The following GTF2A1 variants were observed in gnomAD, a reference collection of about 807,000 sequenced individuals.
The protein encoded by GTF2A1 is transcription initiation factor IIA subunit 1.
GTF2A1 carries 12 observed loss-of-function variants against 54.1 expected under a neutral mutation model. That is an observed-to-expected ratio of 0.22 (90% CI 0.14 to 0.36). GTF2A1 has a LOEUF of 0.36. Ranked by LOEUF, GTF2A1 falls within the 10% of genes least tolerant of loss-of-function variation. The probability of loss-of-function intolerance (pLI) is 1.00; values close to 1 mark genes in which losing one functional copy is unlikely to be tolerated. For synonymous variants in GTF2A1, 145 were observed against 152.0 expected, an observed-to-expected ratio of 0.95 and a Z score of 0.34; for missense variants, 335 against 442.2, an observed-to-expected ratio of 0.76 and a Z score of 2.17.
In GTF2A1 at chr14:81,220,555, A is replaced by C. The variant is rs575294057; in HGVS notation, c.-37T>G. ...ACACAAACAAGAGGGGGCAACCCCA[A>C]GAAAACAAGATAAAAACAAAACCAA... is the stretch of plus-strand genomic sequence containing the variant. On this transcript the variant is annotated 5_prime_UTR_variant, in exon 1 of 9. Coordinates refer to ENST00000553612, the MANE Select transcript of GTF2A1 (RefSeq NM_015859.4). 2 of 1,528,384 alleles carry C rather than the reference A, an allele frequency of 1.3e-6. No individual in the cohort carries two copies. The highest frequency in any genetic ancestry group is 2.8e-5 in the African/African-American group (2 of 71,722). The allele number at this position is 1,528,384 out of a possible 1,614,324, so 94.7% of individuals were successfully genotyped here. A position where few individuals can be genotyped will look rare whatever the true frequency, so the allele number is the denominator to read the frequency against.
chr14:81,218,762 A>G (rs981692306), intron 1 of GTF2A1, among the ~76,000 whole-genome samples: 3 of 151,168 alleles, frequency 2.0e-5, no homozygotes, highest in Admixed American at 6.6e-5. Flanking sequence ...CCGGATACCC[A>G]TGTTAATATC....
intron 2 of GTF2A1, among the ~76,000 whole-genome samples, chr14:81,215,274 T>G (rs1893462528): frequency 6.6e-6 from 1 of 152,242 alleles, no homozygotes; most frequent in Non-Finnish European, 1.5e-5. Flanking sequence ...CTGCTGCTTA[T>G]TTACAGTTAT....
intron 1 of GTF2A1, among the ~76,000 whole-genome samples, chr14:81,218,701 A>G (rs1250676386): frequency 1.3e-5 from 2 of 152,006 alleles, no homozygotes; most frequent in Non-Finnish European, 2.9e-5. Flanking sequence ...TCCTTCAAAA[A>G]TGTTAATTCC....
At chr14:81,183,631 C>T (rs183397737) in intron 8 of GTF2A1, among the ~76,000 whole-genome samples, 42 of 152,200 alleles carry the variant, frequency 2.8e-4, no homozygotes, top group Non-Finnish European at 2.4e-4. Context: ...CAGGAGAAAG[C>T]CCTCTTAAAT....
chr14:81,176,138 CATTT>C lies in GTF2A1; in HGVS notation c.*4081_*4084del, dbSNP rs1200253363. 1.3e-5 allele frequency: 2 copies of C among 151,996 alleles called. No homozygotes were observed. Among genetic ancestry groups the C allele is most frequent in the African/African-American group, 4.8e-5 (2 of 41,404 alleles). The allele number at this position is 151,996 out of a possible 1,614,324, so 9.4% of individuals were successfully genotyped here. A position where few individuals can be genotyped will look rare whatever the true frequency, so the allele number is the denominator to read the frequency against. ...ATATACTAGTAAGCAAAGCAAGCAA[CATTT>C]TTTTTTAAATAACATCTTTAATTAA... On this transcript the variant is annotated 3_prime_UTR_variant, in exon 9 of 9. Transcript: ENST00000553612.
intron 2 of GTF2A1, chr14:81,209,903 A>C (rs1893322705): frequency 7.8e-7 from 1 of 1,278,544 alleles, no homozygotes; most frequent in Non-Finnish European, 1.0e-6. Flanking sequence ...CAAAGTATGA[A>C]CATCTTCTGG....
intron 2 of GTF2A1, among the ~76,000 whole-genome samples, chr14:81,214,124 T>C (rs745691494): frequency 5.9e-5 from 9 of 152,210 alleles, no homozygotes; most frequent in Admixed American, 2.0e-4. Context: ...TAGATACCTA[T>C]TAATAAATAC....
intron 2 of GTF2A1, among the ~76,000 whole-genome samples, chr14:81,214,368 G>A (rs775549714): frequency 2.6e-5 from 4 of 151,958 alleles, no homozygotes; most frequent in African/African-American, 4.8e-5. Flanking sequence ...AGACCCGGCC[G>A]GGAGCGGTGG....
At chr14:81,197,754 GT>G (rs1011296769) in intron 4 of GTF2A1, among the ~76,000 whole-genome samples, 3 of 151,126 alleles carry the variant, frequency 2.0e-5, no homozygotes, top group African/African-American at 7.3e-5. Flanking sequence ...AGGTACTGCA[GT>G]TTTTTTTTCC....
In GTF2A1 at chr14:81,175,482, A is replaced by G. The variant is rs1329915959; in HGVS notation, c.*4741T>C. 6.6e-6 allele frequency: 1 copy of G among 152,230 alleles called. No homozygotes were observed. Among genetic ancestry groups the G allele is most frequent in the African/African-American group, 2.4e-5 (1 of 41,468 alleles). The allele number at this position is 152,230 out of a possible 1,614,324, so 9.4% of individuals were successfully genotyped here. On this transcript the variant is annotated 3_prime_UTR_variant, in exon 9 of 9. Transcript: ENST00000553612. Reference sequence around the variant, plus strand: ...TGGCAATAAATAAGATATCTTTATTATGATTATGTTAATAGTTAAAATTTG... The same window carrying G: ...TGGCAATAAATAAGATATCTTTATTGTGATTATGTTAATAGTTAAAATTTG...
rs751347743 is a variant in GTF2A1 at position 81,180,333 on chromosome 14, A to G, written c.1024-3T>C. ...CATTTGTTTTTACTTCTGTGTATCTAAACAAAAACAACATTTTAAAAATTG... is the reference window on the plus strand; with the variant it reads ...CATTTGTTTTTACTTCTGTGTATCTGAACAAAAACAACATTTTAAAAATTG... On this transcript the variant is annotated splice_region_variant and splice_polypyrimidine_tract_variant and intron_variant, in intron 8 of 8. Transcript: ENST00000553612. The G allele has an allele frequency of 3.2e-5, 38 of 1,178,644 alleles. No homozygotes were observed. The highest frequency in any genetic ancestry group is 6.5e-5 in the South Asian group (5 of 76,568). 73.0% of individuals were successfully genotyped at this position (1,178,644 alleles called of 1,614,324 possible). A position where few individuals can be genotyped will look rare whatever the true frequency, so the allele number is the denominator to read the frequency against.
At chr14:81,193,966 GAC>G (rs1892932844) in intron 6 of GTF2A1, among the ~76,000 whole-genome samples, 1 of 152,154 alleles carries the variant, frequency 6.6e-6, no homozygotes, top group African/African-American at 2.4e-5. Flanking sequence ...GTACAAATAT[GAC>G]ACAGTGTTAT....
rs557083528 is a variant in GTF2A1 at position 81,220,540 on chromosome 14, G to C, written c.-22C>G. ...CCATTTCCACACACAACACAAACAAGAGGGGGCAACCCCAAGAAAACAAGA... is the reference window on the plus strand; with the variant it reads ...CCATTTCCACACACAACACAAACAACAGGGGGCAACCCCAAGAAAACAAGA... On this transcript the variant is annotated 5_prime_UTR_variant, in exon 1 of 9. Coordinates refer to ENST00000553612, the MANE Select transcript of GTF2A1 (RefSeq NM_015859.4). 3 of 1,553,766 alleles carry C rather than the reference G, an allele frequency of 1.9e-6. No homozygotes were observed. The highest frequency in any genetic ancestry group is 4.8e-5 in the East Asian group (2 of 41,898).
chr14:81,219,207 G>A (rs545772756), intron 1 of GTF2A1, among the ~76,000 whole-genome samples: 4 of 152,320 alleles, frequency 2.6e-5, no homozygotes, highest in Admixed American at 1.3e-4. Context: ...CCTAGCTGCT[G>A]CTGGGAACAA....
rs906421793 is a variant in GTF2A1 at position 81,196,769 on chromosome 14, T to C, written c.479-528A>G. Among the ~76,000 whole-genome samples the C allele has an allele frequency of 2.6e-5, 4 of 152,332 alleles. No homozygotes were observed. In the East Asian group the frequency reaches 7.7e-4, roughly 29 times the overall value. The stretch of plus-strand genomic sequence containing the variant: ...ATCAAATTCCCCCAATATGTTCCTT[T>C]AGACAACCCAGAATCTTGAATTGAT... On this transcript the variant is annotated intron_variant, in intron 5 of 8. Transcript: ENST00000553612.
At chr14:81,180,366 C>G (rs376413735) in intron 8 of GTF2A1, 36 bp from the exon 9 acceptor site, 3 of 900,598 alleles carry the variant, frequency 3.3e-6, no homozygotes, top group Admixed American at 3.8e-5. Context: ...TTGAGAGATA[C>G]AATCAGAAAA....
chr14:81,204,327 TTC>T (rs1893183518), intron 2 of GTF2A1: 3 of 675,678 alleles, frequency 4.4e-6, no homozygotes, highest in Non-Finnish European at 8.1e-6. Context: ...AAGATTTTGT[TTC>T]TTTTTTTTAT....
At position 81,220,837 on chromosome 14, in the gene GTF2A1, T is replaced by C. The variant is rs1416895182; in HGVS notation, c.-319A>G. On this transcript the variant is annotated 5_prime_UTR_variant, in exon 1 of 9. Transcript: ENST00000553612. ...GAAACCACCACCGGTCACCGCTCCC[T>C]GCGCCGCCGCTGCCGCCACCGGCTG... The C allele has an allele frequency of 2.4e-5, 7 of 287,976 alleles. No individual in the cohort carries two copies. The highest frequency in any genetic ancestry group is 4.5e-5 in the Non-Finnish European group (7 of 156,090). The allele number at this position is 287,976 out of a possible 1,614,324, so 17.8% of individuals were successfully genotyped here. A position where few individuals can be genotyped will look rare whatever the true frequency, so the allele number is the denominator to read the frequency against.
Position 81,192,673 on chromosome 14 carries a change from G to A in GTF2A1, c.779C>T (p.Ala260Val), listed in dbSNP as rs768907982. ...TGGAGCTTGTGTTTGAGCAGGCTGG[G>A]CCTGCGGTTGCTGCTGGCCAGTTGC... ...ITATGQQQPQ[A>V]QPAQTQAPLV... The change falls in exon 7 of 9, where the codon GCC (alanine) becomes GTC (valine). Residue 260 changes from alanine (A) to valine (V), a missense_variant. Transcript: ENST00000553612. 6.2e-7 allele frequency: 1 copy of A among 1,614,184 alleles called. No individual in the cohort carries two copies. The highest frequency in any genetic ancestry group is 1.7e-5 in the Admixed American group (1 of 60,028).
Sources: allele counts gnomAD v4.1 joint callset (sites outside exome capture counted in the v4.1 genomes callset), GRCh38; gene constraint gnomAD v4.1.1; transcripts MANE v1.5; gene names NCBI Gene and HGNC (gene_info 2026-07-23, HGNC 2026-07-21).